ABCC4: variants seen among roughly 807,000 people sequenced by gnomAD.
The protein encoded by ABCC4 is ATP-binding cassette sub-family C member 4.
Under a neutral mutation model 168.5 loss-of-function variants are expected in ABCC4, and 102 were observed. That is an observed-to-expected ratio of 0.61 (90% CI 0.52 to 0.71). The LOEUF is 0.71. Ranked by LOEUF, ABCC4 falls within the 30% of genes least tolerant of loss-of-function variation. ABCC4 has a pLI of 0.00. For missense variants in ABCC4, 1,402 were observed against 1,605.8 expected (o/e 0.87, Z 2.17); for synonymous variants, 617 against 590.7 (o/e 1.04, Z -0.65).
At chr13:95,254,481 T>G (rs1281084217) in intron 1 of ABCC4, among the ~76,000 whole-genome samples, 1 of 152,146 alleles carries the variant, frequency 6.6e-6, no homozygotes, top group Non-Finnish European at 1.5e-5. Context: ...CATATCAAAC[T>G]AAATAATGTC....
At chr13:95,143,772 G>C (rs989812791) in intron 19 of ABCC4, among the ~76,000 whole-genome samples, 1 of 152,154 alleles carries the variant, frequency 6.6e-6, no homozygotes, top group Non-Finnish European at 1.5e-5. Context: ...AGAAAGTCAT[G>C]CCAATGTACT....
At chr13:95,026,358 AT>A (rs68147759) in intron 30 of ABCC4, among the ~76,000 whole-genome samples, 60,723 of 151,692 alleles carry the variant, frequency 0.4, 12,932 homozygotes, top group East Asian at 0.49. Flanking sequence ...AACAAACAAA[AT>A]AACTAAAAGT....
rs987486218 is a variant in ABCC4, at chr13:95,021,292, G to A, written c.*283C>T. ...TCCTACTCCTTTAAAAATGAGCTTTGACTCTGTAGTCTCTTAAGGCACAAA... is the reference window on the plus strand; with the variant it reads ...TCCTACTCCTTTAAAAATGAGCTTTAACTCTGTAGTCTCTTAAGGCACAAA... On this transcript the variant is annotated 3_prime_UTR_variant, in exon 31 of 31. Coordinates refer to ENST00000645237, the MANE Select transcript of ABCC4 (RefSeq NM_005845.5). 7.0e-6 allele frequency: 2 copies of A among 287,142 alleles called. No homozygotes were observed. The highest frequency in any genetic ancestry group is 4.4e-5 in the African/African-American group (2 of 45,796). The allele number at this position is 287,142 out of a possible 1,614,324, so 17.8% of individuals were successfully genotyped here.
intron 25 of ABCC4, among the ~76,000 whole-genome samples, chr13:95,066,847 TC>T (rs2033565751): frequency 6.6e-6 from 1 of 152,214 alleles, no homozygotes; most frequent in Non-Finnish European, 1.5e-5. Context: ...AGTGTGGTTG[TC>T]TTTAAAGGCA....
intron 27 of ABCC4, among the ~76,000 whole-genome samples, chr13:95,050,525 G>T (rs1488628399): frequency 6.6e-6 from 1 of 152,172 alleles, no homozygotes; most frequent in Non-Finnish European, 1.5e-5. Flanking sequence ...CTTAGGTCAG[G>T]TGTCAGAATA....
rs148877440 is a variant in ABCC4, at chr13:95,271,049, C to G, written c.75-23296G>C. Among the ~76,000 whole-genome samples, 511 of 152,192 alleles carry G rather than the reference C, an allele frequency of 3.4e-3. 3 individuals are homozygous for G. Among genetic ancestry groups the G allele is most frequent in the African/African-American group, 0.012 (488 of 41,512 alleles). On this transcript the variant is annotated intron_variant, in intron 1 of 30. Transcript: ENST00000645237. ...GGCGGAGCTTGCAGTGAGCCGAGAT[C>G]GCGCCACTGCACTCCAGCCTGGGGG...
At chr13:95,080,238 G>A (rs892485780) in intron 21 of ABCC4, among the ~76,000 whole-genome samples, 2 of 152,152 alleles carry the variant, frequency 1.3e-5, no homozygotes, top group Non-Finnish European at 2.9e-5. Flanking sequence ...AATTGGATAC[G>A]GCTTCACATT....
chr13:95,301,179 G>A (rs2041670840), intron 1 of ABCC4, 62 bp downstream of exon 1: 5 of 1,491,106 alleles, frequency 3.4e-6, no homozygotes, highest in Middle Eastern at 1.7e-4. Flanking sequence ...GCGCGGCCCC[G>A]GGAGAGTGCG....
intron 19 of ABCC4, among the ~76,000 whole-genome samples, chr13:95,136,446 T>C (rs2036147704): frequency 6.6e-6 from 1 of 152,182 alleles, no homozygotes; most frequent in Admixed American, 6.5e-5. Context: ...TGAGCCACCG[T>C]ACCCGGCCAG....
chr13:95,222,214 A>AAGAGGACC (rs67603651), intron 4 of ABCC4, among the ~76,000 whole-genome samples: 26,422 of 152,080 alleles, frequency 0.17, 2,363 homozygotes, highest in Non-Finnish European at 0.19. Context: ...CACAGCTCAT[A>AAGAGGACC]AACATCTGGG....
chr13:95,239,134 T>C (rs1402346390), intron 3 of ABCC4, among the ~76,000 whole-genome samples: 1 of 150,872 alleles, frequency 6.6e-6, no homozygotes, highest in Non-Finnish European at 1.5e-5. Flanking sequence ...CCCTGCACAT[T>C]ATTATCTACC....
intron 1 of ABCC4, among the ~76,000 whole-genome samples, chr13:95,258,547 G>A (rs1208717386): frequency 6.6e-6 from 1 of 152,116 alleles, no homozygotes; most frequent in Non-Finnish European, 1.5e-5. Context: ...ATCTATTTGT[G>A]TAGATACAAA....
rs1291275654 is a variant in ABCC4 at position 95,019,907 on chromosome 13, G to A, written c.*1668C>T. On this transcript the variant is annotated 3_prime_UTR_variant, in exon 31 of 31. Transcript: ENST00000645237. ...AAAATTCTATGATAACATTAAAACA[G>A]AAACAGGACGTTTATATGACTGTCT... The A allele has an allele frequency of 6.6e-6, 1 of 152,136 alleles. No individual in the cohort carries two copies. The highest frequency in any genetic ancestry group is 2.4e-5 in the African/African-American group (1 of 41,438). The allele number at this position is 152,136 out of a possible 1,614,324, so 9.4% of individuals were successfully genotyped here. A position where few individuals can be genotyped will look rare whatever the true frequency, so the allele number is the denominator to read the frequency against.
At chr13:95,026,853 C>T (rs150255782) in intron 30 of ABCC4, among the ~76,000 whole-genome samples, 51 of 150,654 alleles carry the variant, frequency 3.4e-4, no homozygotes, top group African/African-American at 1.2e-3. Flanking sequence ...TGTGCCACTG[C>T]ACTCCAGCCT....
intron 13 of ABCC4, among the ~76,000 whole-genome samples, chr13:95,176,034 T>G (rs1258793381): frequency 6.6e-6 from 1 of 151,950 alleles, no homozygotes; most frequent in African/African-American, 2.4e-5. Context: ...TTCAAAGGAA[T>G]TGAATCCTAC....
chr13:95,077,596 C>A (rs958986197), intron 21 of ABCC4, among the ~76,000 whole-genome samples: 1 of 151,922 alleles, frequency 6.6e-6, no homozygotes, highest in Non-Finnish European at 1.5e-5. Context: ...CCTCAGCCAC[C>A]CAAAGTGCTA....
At chr13:95,269,279 C>G (rs371614004) in intron 1 of ABCC4, 55 of 429,208 alleles carry the variant, frequency 1.3e-4, no homozygotes, top group South Asian at 8.6e-4. Context: ...AATACAGAGC[C>G]TACAACCTGT....
chr13:95,291,654 C>A lies in ABCC4; in HGVS notation c.74+9587G>T, dbSNP rs2041407968. Among the ~76,000 whole-genome samples, 2 of 152,184 alleles carry A rather than the reference C, an allele frequency of 1.3e-5. 1 individual carries two copies. The highest frequency in any genetic ancestry group is 4.1e-4 in the South Asian group (2 of 4,834). Reference sequence around the variant, plus strand: ...GGATAGAAGAGCAGTTACATGGGGACAAGCCCTGCGGACTGTGAGGTCAAT... The same window carrying A: ...GGATAGAAGAGCAGTTACATGGGGAAAAGCCCTGCGGACTGTGAGGTCAAT... On this transcript the variant is annotated intron_variant, in intron 1 of 30. Transcript: ENST00000645237.
At chr13:95,177,902 C>G (rs11568661) in intron 12 of ABCC4, 95 bp downstream of exon 12, 3 of 1,493,080 alleles carry the variant, frequency 2.0e-6, no homozygotes, top group South Asian at 2.3e-5. Flanking sequence ...GTGCTTCACA[C>G]AGGACGCAAT....
Sources: gnomAD v4.1 joint callset for allele counts (sites outside exome capture counted in the v4.1 genomes callset) on GRCh38, gnomAD v4.1.1 for gene constraint, MANE v1.5 for transcripts, NCBI Gene and HGNC (gene_info 2026-07-23, HGNC 2026-07-21) for gene names.